Variants in NME6 observed in about 807,000 individuals in gnomAD.
The protein encoded by NME6 is NME/NM23 nucleoside diphosphate kinase 6.
NME6 carries 16 observed loss-of-function variants against 22.2 expected under a neutral mutation model. The observed-to-expected ratio is 0.72, with a 90% confidence interval of 0.49 to 1.09. The LOEUF is 1.09. NME6 is among the 50% of genes least tolerant of loss of function. NME6 has a pLI of 0.00. For missense variants in NME6, 229 were observed against 239.0 expected (o/e 0.96, Z 0.28); for synonymous variants, 58 against 85.2 (o/e 0.68, Z 1.76).
intron 2 of NME6, 87 bp from the exon 3 acceptor site, chr3:48,296,916 A>C (rs938747986): frequency 1.0e-6 from 1 of 994,928 alleles, no homozygotes; most frequent in Non-Finnish European, 1.5e-6. Flanking sequence ...GTTGCTCAGG[A>C]CCTGAGGGTT....
At chr3:48,300,343 A>G in intron 1 of NME6, 1 of 456,634 alleles carries the variant, frequency 2.2e-6, no homozygotes, top group South Asian at 1.5e-5. Context: ...TGGGCCTTTC[A>G]GTTTTGAAAG....
chr3:48,289,178 C>T (rs2034302401), downstream of NME6, among the ~76,000 whole-genome samples: 1 of 152,020 alleles, frequency 6.6e-6, no homozygotes, highest in African/African-American at 2.4e-5. Flanking sequence ...AATTCTTCTG[C>T]CTCAGCCTCC....
At position 48,295,063 on chromosome 3, in the gene NME6, CA is replaced by C. The variant is rs764888970; in HGVS notation, c.394+11del. On this transcript the variant is annotated intron_variant, in intron 5 of 5. Coordinates refer to ENST00000442597, the MANE Select transcript of NME6 (RefSeq NM_001308426.2). Reference sequence around the variant, plus strand: ...CCCCAAAATATCCTATGGCTATGGACAGGGGACTCACCCGAACCATGGGTGG... The same window carrying C: ...CCCCAAAATATCCTATGGCTATGGACGGGGACTCACCCGAACCATGGGTGG... 36 of 1,612,886 alleles carry C rather than the reference CA, an allele frequency of 2.2e-5. No homozygotes were observed. In the East Asian group the frequency reaches 6.2e-4, roughly 28 times the overall value.
chr3:48,296,891 C>T, intron 2 of NME6, 62 bp from the exon 3 acceptor site: 1 of 1,250,950 alleles, frequency 8.0e-7, no homozygotes, highest in African/African-American at 1.5e-5. Flanking sequence ...CCAAAAGAAA[C>T]CATGAGGACC....
Position 48,296,349 on chromosome 3 carries a change from T to C in NME6, c.194-191A>G, listed in dbSNP as rs910985270. The C allele has an allele frequency of 1.6e-5, 12 of 733,844 alleles. No individual in the cohort carries two copies. The African/African-American group carries it at 2.1e-4, about 13-fold the overall frequency. 45.5% of individuals were successfully genotyped at this position (733,844 alleles called of 1,614,324 possible). On this transcript the variant is annotated intron_variant, in intron 3 of 5. Coordinates refer to ENST00000442597, the MANE Select transcript of NME6 (RefSeq NM_001308426.2). ...AACCTGCGTAGTTTTGGGTAAATCA[T>C]TAACCTCCTAAACTTGGCTTCCTAA...
At position 48,295,152 on chromosome 3, in the gene NME6, C is replaced by A; in HGVS notation, c.317G>T (p.Arg106Leu). The A allele has an allele frequency of 2.5e-6, 4 of 1,614,174 alleles. No individual in the cohort carries two copies. Among genetic ancestry groups the A allele is most frequent in the Non-Finnish European group, 3.4e-6 (4 of 1,180,032 alleles). Reference protein sequence around the residue: ...RTLMGPTRVFRARHVAPDSIR... With the variant: ...RTLMGPTRVFLARHVAPDSIR... ...AGAATCTGGGGCCACATGGCGTGCT[C>A]GGAACACTCTGGTGGGTCCCATGAG... Residue 106 changes from arginine (R) to leucine (L), a missense_variant, in exon 5 of 6, where the codon CGA becomes CTA. Coordinates refer to ENST00000442597, the MANE Select transcript of NME6 (RefSeq NM_001308426.2).
Position 48,294,698 on chromosome 3 carries a change from C to T in NME6, c.500G>A (p.Cys167Tyr). Residue 167 changes from cysteine to tyrosine, a missense_variant, in exon 6 of 6, where the codon TGC becomes TAC. Physicochemically the swap from Cys to Tyr is radical, Grantham distance 194. Transcript: ENST00000442597. ...EEPQLRCGPV[C>Y]YSPEGGVHYV... ...GTGGACACCTCCCTCTGGGCTATAG[C>T]ACACAGGGCCACAGCGCAACTGGGG... The T allele has an allele frequency of 6.2e-7, 1 of 1,614,198 alleles. No homozygotes were observed. The highest frequency in any genetic ancestry group is 8.5e-7 in the Non-Finnish European group (1 of 1,180,034).
chr3:48,297,181 C>G (rs947795690), intron 2 of NME6, among the ~76,000 whole-genome samples: 1 of 152,200 alleles, frequency 6.6e-6, no homozygotes, highest in African/African-American at 2.4e-5. Flanking sequence ...ATAATTGACA[C>G]GTCACACTCT....
downstream of NME6, among the ~76,000 whole-genome samples, chr3:48,287,959 G>A (rs1244017538): frequency 6.6e-6 from 1 of 152,100 alleles, no homozygotes; most frequent in East Asian, 1.9e-4. Context: ...TGAAGAGAAA[G>A]GAGAATACAT....
chr3:48,298,359 G>T, intron 2 of NME6, 68 bp downstream of exon 2: 1 of 1,340,060 alleles, frequency 7.5e-7, no homozygotes, highest in Non-Finnish European at 1.1e-6. Flanking sequence ...CACCATAAAT[G>T]GCCCAATGGC....
Position 48,295,233 on chromosome 3 carries a change from CCG to C in NME6, c.234_235del (p.Ser78ArgfsTer45). ...GGCAAGGATGTAGGCTCGGATTGGC[CCG>C]CTGTGAACAAAACAAGCACATGTAA... On this transcript the variant is annotated frameshift_variant and splice_region_variant, in exon 5 of 6. Transcript: ENST00000442597. LOFTEE classifies it high-confidence loss of function. 1 of 1,611,842 alleles carries C rather than the reference CCG, an allele frequency of 6.2e-7. No homozygotes were observed. Among genetic ancestry groups the C allele is most frequent in the Admixed American group, 1.7e-5 (1 of 59,794 alleles).
downstream of NME6, among the ~76,000 whole-genome samples, chr3:48,287,937 G>A (rs1387094548): frequency 6.6e-6 from 1 of 152,134 alleles, no homozygotes; most frequent in East Asian, 1.9e-4. Context: ...GGGGGAGGAG[G>A]TGTTGGAGGT....
chr3:48,299,085 C>A (rs2035435061), intron 1 of NME6: 2 of 658,896 alleles, frequency 3.0e-6, no homozygotes, highest in Admixed American at 4.4e-5. Flanking sequence ...TCTCCTGTGC[C>A]CAAATCAAAC....
intron 2 of NME6, chr3:48,297,811 A>C (rs1287395391): frequency 6.5e-6 from 1 of 153,616 alleles, no homozygotes; most frequent in Non-Finnish European, 1.5e-5. Flanking sequence ...AGAGATTCAA[A>C]GCATGAGAAG....
At position 48,296,739 on chromosome 3, in the gene NME6, G is replaced by A. The variant is rs764148896; in HGVS notation, c.181C>T (p.Arg61Ter). The part of the protein sequence containing the change: ...WRKEDCQRFY[R>*]EHEGRFFYQR... Reference sequence around the variant, plus strand: ...CTACTGATCCTACCTTCATGCTCTCGGTAAAACCTCTGGCAATCTTCCTTT... The same window carrying A: ...CTACTGATCCTACCTTCATGCTCTCAGTAAAACCTCTGGCAATCTTCCTTT... The change falls in exon 3 of 6, where the codon CGA (arginine) becomes TGA (stop). Residue 61 changes from arginine to a stop codon, truncating the protein, a stop_gained. Coordinates refer to ENST00000442597, the MANE Select transcript of NME6 (RefSeq NM_001308426.2). LOFTEE classifies it high-confidence loss of function. The A allele has an allele frequency of 4.3e-6, 7 of 1,612,242 alleles. No individual in the cohort carries two copies. The highest frequency in any genetic ancestry group is 3.3e-5 in the Admixed American group (2 of 59,938).
At chr3:48,300,660 C>A in intron 1 of NME6, 1 of 247,236 alleles carries the variant, frequency 4.0e-6, no homozygotes. Flanking sequence ...GGTTCCTTTA[C>A]TAACGCAGCT....
intron 4 of NME6, 125 bp from the exon 5 acceptor site, chr3:48,295,360 C>T: frequency 9.2e-7 from 1 of 1,084,100 alleles, no homozygotes; most frequent in African/African-American, 1.6e-5. Context: ...CAGCTGAGTA[C>T]CAATGCTGCT....
At chr3:48,300,903 C>A (rs2035624053) in intron 1 of NME6, among the ~76,000 whole-genome samples, 1 of 152,004 alleles carries the variant, frequency 6.6e-6, no homozygotes, top group Admixed American at 6.5e-5. Flanking sequence ...AAAAAATTAG[C>A]CAGGCATAAC....
At chr3:48,288,222 A>C (rs2034266215), downstream of NME6, among the ~76,000 whole-genome samples, 1 of 152,012 alleles carries the variant, frequency 6.6e-6, no homozygotes, top group Non-Finnish European at 1.5e-5. Context: ...CTCTACAAAA[A>C]ATACAAAAAT....
Sources: allele counts gnomAD v4.1 joint callset (sites outside exome capture counted in the v4.1 genomes callset), GRCh38; gene constraint gnomAD v4.1.1; transcripts MANE v1.5; gene names NCBI Gene and HGNC (gene_info 2026-07-23, HGNC 2026-07-21).